Variants in TSC22D1 observed in about 807,000 individuals in gnomAD.
TSC22D1 encodes TSC22 domain family member 1, also known as TSC22 domain family protein 1.
In TSC22D1, 9 loss-of-function variants were observed where a neutral mutation model predicts 74.2. The observed-to-expected ratio is 0.12, with a 90% CI of 0.07 to 0.21. The LOEUF is 0.21. TSC22D1 is among the 10% of genes least tolerant of loss of function. The pLI is 1.00. For missense variants in TSC22D1, 1,427 were observed against 1,304.7 expected (o/e 1.09, Z -1.44); for synonymous variants, 586 against 492.5 (o/e 1.19, Z -2.51).
chr13:44,481,668 C>T lies in TSC22D1; in HGVS notation c.2913-45573G>A, dbSNP rs1364188477. Among the ~76,000 whole-genome samples, 3 of 152,174 alleles carry T rather than the reference C, an allele frequency of 2.0e-5. No individual in the cohort carries two copies. The East Asian group carries it at 5.8e-4, about 29-fold the overall frequency. On this transcript the variant is annotated intron_variant, in intron 1 of 2. Coordinates refer to ENST00000458659, the MANE Select transcript of TSC22D1 (RefSeq NM_183422.4). ...CACCTAACTCCACCCACCCTGAAGGCTGGATATATCTACAGTCGTGGTCCA... is the reference window on the plus strand; with the variant it reads ...CACCTAACTCCACCCACCCTGAAGGTTGGATATATCTACAGTCGTGGTCCA...
At chr13:44,551,309 G>GT (rs1209907901) in intron 1 of TSC22D1, among the ~76,000 whole-genome samples, 1,550 of 123,074 alleles carry the variant, frequency 0.013, 12 homozygotes, top group Admixed American at 0.015. Context: ...AATCAGCTGG[G>GT]GGTGTGTGTG....
chr13:44,504,438 T>C (rs1442197927), intron 1 of TSC22D1, among the ~76,000 whole-genome samples: 1 of 151,920 alleles, frequency 6.6e-6, no homozygotes, highest in African/African-American at 2.4e-5. Context: ...ACCCTGTCTC[T>C]ACAAGAAATA....
At chr13:44,453,339 AT>A (rs1876309261) in intron 1 of TSC22D1, among the ~76,000 whole-genome samples, 1 of 152,366 alleles carries the variant, frequency 6.6e-6, no homozygotes, top group Admixed American at 6.5e-5. Context: ...ACTGAAGTCA[AT>A]TTTTAAAATG....
At chr13:44,451,150 G>A (rs1007387593) in intron 1 of TSC22D1, among the ~76,000 whole-genome samples, 4 of 152,328 alleles carry the variant, frequency 2.6e-5, no homozygotes, top group Non-Finnish European at 4.4e-5. Flanking sequence ...CAGCAACTGC[G>A]TCCTTTGAGA....
At chr13:44,549,369 T>C (rs979445384) in intron 1 of TSC22D1, among the ~76,000 whole-genome samples, 1 of 152,178 alleles carries the variant, frequency 6.6e-6, no homozygotes, top group African/African-American at 2.4e-5. Flanking sequence ...CTCTATCTTA[T>C]TATAACTTAT....
intron 1 of TSC22D1, chr13:44,437,269 C>G (rs901065122): frequency 1.2e-4 from 119 of 985,334 alleles, no homozygotes; most frequent in Non-Finnish European, 1.3e-4. Flanking sequence ...GTCTGAGCTA[C>G]TGGGCATGCC....
In TSC22D1 at chr13:44,540,709, A is replaced by C. The variant is rs1283973930; in HGVS notation, c.2912+32454T>G. ...ATATACCCAAATTATAGATGATGGCAAAGATACTAGAAAATAGTTAGCTTT... is the reference window on the plus strand; with the variant it reads ...ATATACCCAAATTATAGATGATGGCCAAGATACTAGAAAATAGTTAGCTTT... On this transcript the variant is annotated intron_variant, in intron 1 of 2. Coordinates refer to ENST00000458659, the MANE Select transcript of TSC22D1 (RefSeq NM_183422.4). 6.6e-5 allele frequency among the ~76,000 whole-genome samples: 10 copies of C among 152,224 alleles called. 1 individual carries two copies.
At chr13:44,520,181 G>A (rs763916607) in intron 1 of TSC22D1, among the ~76,000 whole-genome samples, 2 of 152,176 alleles carry the variant, frequency 1.3e-5, no homozygotes, top group Non-Finnish European at 2.9e-5. Context: ...TGATAACCAA[G>A]GACCCTGCCT....
intron 1 of TSC22D1, among the ~76,000 whole-genome samples, chr13:44,479,201 AC>A (rs1260548869): frequency 6.6e-6 from 1 of 152,182 alleles, no homozygotes; most frequent in Admixed American, 6.5e-5. Context: ...CAGTCTAGAA[AC>A]TTGAAGAATG....
At chr13:44,477,571 C>G (rs1877975622) in intron 1 of TSC22D1, among the ~76,000 whole-genome samples, 1 of 151,750 alleles carries the variant, frequency 6.6e-6, no homozygotes, top group African/African-American at 2.4e-5. Flanking sequence ...CAGGAAGTTC[C>G]TTCCTGAAGT....
intron 1 of TSC22D1, among the ~76,000 whole-genome samples, chr13:44,480,475 G>A (rs1299624751): frequency 6.6e-6 from 1 of 152,112 alleles, no homozygotes; most frequent in African/African-American, 2.4e-5. Context: ...TTATAATATA[G>A]GAAATTCTCT....
At chr13:44,517,847 ATATATATATATTTTTTTTT>A (rs1566149873) in intron 1 of TSC22D1, among the ~76,000 whole-genome samples, 4 of 24,042 alleles carry the variant, frequency 1.7e-4, no homozygotes, top group East Asian at 1.1e-3. Context: ...ATATATATAT[ATATATATATATTTTTTTTT>A]TTTTTTTTTT....
At chr13:44,529,668 G>A (rs941989719) in intron 1 of TSC22D1, among the ~76,000 whole-genome samples, 5 of 152,090 alleles carry the variant, frequency 3.3e-5, no homozygotes, top group African/African-American at 1.2e-4. Flanking sequence ...TGATATGATT[G>A]TGTATGTTGA....
intron 1 of TSC22D1, among the ~76,000 whole-genome samples, chr13:44,493,887 A>G (rs1878835191): frequency 1.3e-5 from 2 of 152,204 alleles, no homozygotes; most frequent in Non-Finnish European, 2.9e-5. Flanking sequence ...GCTAACAAAC[A>G]GACACTTCAG....
chr13:44,545,564 T>C (rs961861499), intron 1 of TSC22D1, among the ~76,000 whole-genome samples: 39 of 151,844 alleles, frequency 2.6e-4, no homozygotes, highest in Middle Eastern at 6.8e-3. Context: ...GCAGCACATT[T>C]TGGACCTATA....
intron 1 of TSC22D1, among the ~76,000 whole-genome samples, chr13:44,442,125 A>G (rs550526331): frequency 6.6e-6 from 1 of 152,224 alleles, no homozygotes; most frequent in Non-Finnish European, 1.5e-5. Flanking sequence ...TCCTAGACTG[A>G]AGAGTGTTTT....
At chr13:44,525,795 CAAAAAAAA>C (rs59399056) in intron 1 of TSC22D1, among the ~76,000 whole-genome samples, 7 of 88,552 alleles carry the variant, frequency 7.9e-5, no homozygotes, top group African/African-American at 2.1e-4. Context: ...TAGCTTTTAA[CAAAAAAAA>C]AAAAAAAAAA....
chr13:44,530,151 C>G (rs1327589816), intron 1 of TSC22D1, among the ~76,000 whole-genome samples: 2 of 152,088 alleles, frequency 1.3e-5, no homozygotes, highest in African/African-American at 4.8e-5. Context: ...ACTCTCCAGA[C>G]TTCAAGACTT....
At chr13:44,508,284 T>C (rs1289980805) in intron 1 of TSC22D1, among the ~76,000 whole-genome samples, 3 of 152,308 alleles carry the variant, frequency 2.0e-5, no homozygotes, top group Non-Finnish European at 2.9e-5. Flanking sequence ...CAGTAAATGT[T>C]TGAGATTCAC....
Sources: allele counts gnomAD v4.1 joint callset (sites outside exome capture counted in the v4.1 genomes callset), GRCh38; gene constraint gnomAD v4.1.1; transcripts MANE v1.5; gene names NCBI Gene and HGNC (gene_info 2026-07-23, HGNC 2026-07-21).